THRAP3: variants seen among roughly 807,000 people sequenced by gnomAD.
THRAP3 encodes the protein thyroid hormone receptor-associated protein 3.
THRAP3 carries 16 observed loss-of-function variants against 101.0 expected under a neutral mutation model. The ratio of observed to expected loss-of-function variants is 0.16; its 90% CI spans 0.11 to 0.24. THRAP3 has a LOEUF of 0.24. Ranked by LOEUF, THRAP3 falls within the 10% of genes least tolerant of loss-of-function variation. The probability of loss-of-function intolerance (pLI) is 1.00; values close to 1 mark genes in which losing one functional copy is unlikely to be tolerated. For missense variants in THRAP3, 989 were observed against 1,202.7 expected (o/e 0.82, Z 2.63); for synonymous variants, 407 against 422.6 (o/e 0.96, Z 0.45).
the THRAP3 span, among the ~76,000 whole-genome samples, chr1:36,213,951 G>T: frequency 8.5e-6 from 1 of 117,024 alleles, no homozygotes; most frequent in Non-Finnish European, 1.7e-5. Flanking sequence ...AAGAAAGAAA[G>T]AAAGAAAGAA....
Position 36,282,559 on chromosome 1 carries a change from C to T in THRAP3, c.-5C>T, listed in dbSNP as rs757219138. Reference sequence around the variant, plus strand: ...TGTAATTGAAAAGTGATCCTCTCTTCAGAGATGTCAAAAACAAACAAATCC... The same window carrying T: ...TGTAATTGAAAAGTGATCCTCTCTTTAGAGATGTCAAAAACAAACAAATCC... On this transcript the variant is annotated 5_prime_UTR_variant, in exon 3 of 12. Coordinates refer to ENST00000354618, the MANE Select transcript of THRAP3 (RefSeq NM_005119.4). 3 of 1,613,760 alleles carry T rather than the reference C, an allele frequency of 1.9e-6. No individual in the cohort carries two copies. The highest frequency in any genetic ancestry group is 2.5e-6 in the Non-Finnish European group (3 of 1,179,882).
intron 1 of THRAP3, among the ~76,000 whole-genome samples, chr1:36,231,243 G>A (rs556034938): frequency 1.6e-4 from 25 of 152,160 alleles, no homozygotes; most frequent in Admixed American, 1.4e-3. Context: ...TGGAGTTGAA[G>A]CAATGCAGGG....
intron 1 of THRAP3, among the ~76,000 whole-genome samples, chr1:36,230,236 A>T (rs886459351): frequency 2.6e-5 from 4 of 151,608 alleles, no homozygotes; most frequent in Non-Finnish European, 5.9e-5. Flanking sequence ...CTCCTGCCTC[A>T]GCCTCCCGAG....
the THRAP3 span, among the ~76,000 whole-genome samples, chr1:36,218,038 T>A: frequency 6.6e-6 from 1 of 152,150 alleles, no homozygotes; most frequent in Non-Finnish European, 1.5e-5. Flanking sequence ...GTTGTGTCAA[T>A]TAGCCAAGTT....
chr1:36,257,788 C>T (rs1186310723), intron 1 of THRAP3, among the ~76,000 whole-genome samples: 2 of 152,078 alleles, frequency 1.3e-5, no homozygotes, highest in East Asian at 3.9e-4. Context: ...TGTGTGTGTA[C>T]TTTTGCCATC....
intron 1 of THRAP3, among the ~76,000 whole-genome samples, chr1:36,240,731 T>C (rs941437186): frequency 2.0e-5 from 3 of 152,122 alleles, no homozygotes; most frequent in African/African-American, 7.2e-5. Context: ...GGACATATTT[T>C]GGATTTTTTT....
chr1:36,208,863 C>T, the THRAP3 span, among the ~76,000 whole-genome samples: 8 of 150,688 alleles, frequency 5.3e-5, no homozygotes, highest in African/African-American at 1.2e-4. Context: ...GACGGGGTTT[C>T]GCCATGTTGG....
chr1:36,224,404 T>G (rs573373665), upstream of THRAP3: 1 of 152,890 alleles, frequency 6.5e-6, no homozygotes, highest in South Asian at 2.1e-4. Context: ...GCCGTCGCCG[T>G]CGTCGGAGAG....
intron 2 of THRAP3, among the ~76,000 whole-genome samples, chr1:36,274,086 A>AGTGT (rs1557437722): frequency 1.6e-4 from 20 of 126,954 alleles, no homozygotes; most frequent in African/African-American, 5.7e-4. Flanking sequence ...TCACACACAC[A>AGTGT]CACACACACA....
Position 36,304,034 on chromosome 1 carries a change from G to C in THRAP3, c.*17G>C. ...ACCGAGTAGGGGCCACCCTTGACGG[G>C]ATTCCTGCCCAGGGGAGAGAGGCGC... On this transcript the variant is annotated 3_prime_UTR_variant, in exon 12 of 12. Transcript: ENST00000354618. 6.7e-7 allele frequency: 1 copy of C among 1,493,860 alleles called. No individual in the cohort carries two copies. The highest frequency in any genetic ancestry group is 2.4e-5 in the East Asian group (1 of 41,848). 92.5% of individuals were successfully genotyped at this position (1,493,860 alleles called of 1,614,324 possible).
At chr1:36,282,233 C>T (rs1336776780) in intron 2 of THRAP3, among the ~76,000 whole-genome samples, 1 of 113,816 alleles carries the variant, frequency 8.8e-6, no homozygotes, top group South Asian at 3.3e-4. Context: ...GCCACTTTCT[C>T]TCTTTTTTTT....
intron 1 of THRAP3, among the ~76,000 whole-genome samples, chr1:36,254,223 C>T (rs755118177): frequency 7.9e-5 from 12 of 152,250 alleles, no homozygotes; most frequent in African/African-American, 2.4e-4. Flanking sequence ...ATTTTCACAA[C>T]GTTTGCCAGT....
rs1379638343 is a variant in THRAP3, at chr1:36,289,634, A to G, written c.1615A>G (p.Arg539Gly). 6.8e-6 allele frequency: 11 copies of G among 1,614,118 alleles called. No individual in the cohort carries two copies. The highest frequency in any genetic ancestry group is 9.3e-6 in the Non-Finnish European group (11 of 1,180,046). Residue 539 changes from arginine (R) to glycine (G), a missense_variant, in exon 5 of 12, where the codon AGA (arginine) becomes GGA (glycine). Coordinates refer to ENST00000354618, the MANE Select transcript of THRAP3 (RefSeq NM_005119.4). The part of the protein sequence containing the change: ...VQEKSSSPPP[R>G]KTSESRDKLG... The stretch of plus-strand genomic sequence containing the variant: ...GGAGAAAAGCTCATCACCTCCCCCA[A>G]GAAAGACCTCTGAGAGCCGAGACAA...
chr1:36,226,597 A>G (rs1369172194), intron 1 of THRAP3, among the ~76,000 whole-genome samples: 1 of 152,174 alleles, frequency 6.6e-6, no homozygotes, highest in African/African-American at 2.4e-5. Flanking sequence ...CCTAACCACT[A>G]AGCATTTTAG....
At chr1:36,219,031 TCAAA>T in the THRAP3 span, among the ~76,000 whole-genome samples, 71 of 60,760 alleles carry the variant, frequency 1.2e-3, no homozygotes, top group African/African-American at 5.6e-3. Flanking sequence ...AGGCTCCATC[TCAAA>T]AAAAAAAAAA....
chr1:36,292,224 A>G (rs1231367660), intron 6 of THRAP3, among the ~76,000 whole-genome samples: 1 of 135,022 alleles, frequency 7.4e-6, no homozygotes, highest in African/African-American at 2.8e-5. Context: ...GAGTTAAAAC[A>G]TTGTGTCTGC....
At chr1:36,208,804 C>T in the THRAP3 span, among the ~76,000 whole-genome samples, 84 of 152,090 alleles carry the variant, frequency 5.5e-4, no homozygotes, top group Non-Finnish European at 7.5e-4. Context: ...ATAGCTGGGA[C>T]TACAGGCATG....
intron 1 of THRAP3, among the ~76,000 whole-genome samples, chr1:36,239,347 C>A (rs185313865): frequency 1.3e-5 from 2 of 151,330 alleles, no homozygotes; most frequent in East Asian, 3.9e-4. Context: ...ACAACCTCCG[C>A]CGCCCCTGCA....
At chr1:36,213,265 C>A in the THRAP3 span, among the ~76,000 whole-genome samples, 1 of 151,084 alleles carries the variant, frequency 6.6e-6, no homozygotes, top group Non-Finnish European at 1.5e-5. Context: ...GAGGAACAAC[C>A]CTCTGACTAC....
Sources: allele counts gnomAD v4.1 joint callset (sites outside exome capture counted in the v4.1 genomes callset), GRCh38; gene constraint gnomAD v4.1.1; transcripts MANE v1.5; gene names NCBI Gene and HGNC (gene_info 2026-07-23, HGNC 2026-07-21).